The following MACROH2A1 variants were observed in gnomAD, a reference collection of about 807,000 sequenced individuals.
MACROH2A1 encodes core histone macro-H2A.1.
A neutral mutation model predicts 31.6 loss-of-function variants in MACROH2A1; 2 were observed. The ratio of observed to expected loss-of-function variants is 0.06; its 90% CI spans 0.03 to 0.20. MACROH2A1 has a LOEUF of 0.20. MACROH2A1 is among the 10% of genes least tolerant of loss of function. The pLI is 1.00. For synonymous variants in MACROH2A1, 169 were observed against 189.6 expected, an observed-to-expected ratio of 0.89 and a Z score of 0.89; for missense variants, 230 against 474.0, an observed-to-expected ratio of 0.49 and a Z score of 4.78.
intron 5 of MACROH2A1, chr5:135,354,955 G>C: frequency 2.5e-6 from 1 of 405,756 alleles, no homozygotes; most frequent in South Asian, 1.8e-5. Flanking sequence ...GTGTAATGTG[G>C]ATGTGTATGC....
At chr5:135,389,249 A>G (rs779565) in intron 1 of MACROH2A1, 123 bp from the exon 2 acceptor site, 59,255 of 579,658 alleles carry the variant, frequency 0.1, 8,978 homozygotes, top group African/African-American at 0.53. Context: ...CTGTAGCTGC[A>G]GGGCCCTCCG....
At chr5:135,347,521 A>C (rs1019070405) in intron 6 of MACROH2A1, 3 of 152,270 alleles carry the variant, frequency 2.0e-5, no homozygotes, top group South Asian at 4.1e-4. Flanking sequence ...CCTGGAAAGC[A>C]GCACAGGCTT....
chr5:135,359,412 T>A (rs1762562848), intron 5 of MACROH2A1: 1 of 984,928 alleles, frequency 1.0e-6, no homozygotes, highest in Non-Finnish European at 1.2e-6. Flanking sequence ...AACTTTCAAA[T>A]CCCCAGACCT....
chr5:135,395,860 C>G (rs1767899265), intron 1 of MACROH2A1, among the ~76,000 whole-genome samples: 1 of 152,146 alleles, frequency 6.6e-6, no homozygotes, highest in Non-Finnish European at 1.5e-5. Flanking sequence ...TCTCAGTGAA[C>G]TAGGGGACTG....
chr5:135,350,286 G>C lies in MACROH2A1; in HGVS notation c.688+2660C>G, dbSNP rs17168180. Among the ~76,000 whole-genome samples the C allele has an allele frequency of 2.7e-3, 412 of 152,286 alleles. 2 individuals are homozygous for C. Among genetic ancestry groups the C allele is most frequent in the African/African-American group, 9.1e-3 (376 of 41,538 alleles). On this transcript the variant is annotated intron_variant, in intron 6 of 8. Transcript: ENST00000511689. Reference sequence around the variant, plus strand: ...GGTGATTTTCATGTACCTGAAGTCTGAGAACCCTAAGTGTGGGCAAGCATT... The same window carrying C: ...GGTGATTTTCATGTACCTGAAGTCTCAGAACCCTAAGTGTGGGCAAGCATT...
chr5:135,346,307 G>A, intron 6 of MACROH2A1: 1 of 493,228 alleles, frequency 2.0e-6, no homozygotes, highest in South Asian at 2.4e-5. Context: ...GACTCAGGGT[G>A]ATCATGGATG....
intron 6 of MACROH2A1, among the ~76,000 whole-genome samples, chr5:135,349,560 A>C (rs1346754472): frequency 6.6e-6 from 1 of 152,128 alleles, no homozygotes; most frequent in Non-Finnish European, 1.5e-5. Context: ...ACTGAACAGC[A>C]GTCTTTGCTA....
chr5:135,350,838 T>C (rs747409805), intron 6 of MACROH2A1: 6 of 1,610,614 alleles, frequency 3.7e-6, no homozygotes, highest in Non-Finnish European at 4.2e-6. Flanking sequence ...TCACCACCGA[T>C]GTAGAAGTCA....
intron 2 of MACROH2A1, among the ~76,000 whole-genome samples, chr5:135,387,612 AAAG>A (rs1766593526): frequency 6.6e-6 from 1 of 152,192 alleles, no homozygotes; most frequent in Non-Finnish European, 1.5e-5. Flanking sequence ...ATACACAGTG[AAAG>A]CATTACGACA....
At chr5:135,384,254 GTGGCCCTA>G (rs1766088621) in intron 2 of MACROH2A1, among the ~76,000 whole-genome samples, 1 of 152,318 alleles carries the variant, frequency 6.6e-6, no homozygotes, top group African/African-American at 2.4e-5. Flanking sequence ...GGGATGGGTT[GTGGCCCTA>G]TGACTACCAC....
chr5:135,344,437 C>T (rs1408461099), intron 7 of MACROH2A1: 5 of 151,610 alleles, frequency 3.3e-5, no homozygotes, highest in African/African-American at 1.2e-4. Flanking sequence ...GTCATAGATA[C>T]TGGAGAAGGA....
chr5:135,338,062 C>A (rs1354664513), intron 8 of MACROH2A1: 11 of 1,061,604 alleles, frequency 1.0e-5, no homozygotes, highest in African/African-American at 1.7e-5. Flanking sequence ...TGTCTTGCTG[C>A]CAGTTAGAAT....
chr5:135,373,196 C>T (rs557159421), intron 2 of MACROH2A1, among the ~76,000 whole-genome samples: 1 of 152,244 alleles, frequency 6.6e-6, no homozygotes, highest in South Asian at 2.1e-4. Flanking sequence ...GGCTCAGTGG[C>T]CGTTGGTGGT....
At chr5:135,363,602 G>C (rs1763121759) in intron 4 of MACROH2A1, among the ~76,000 whole-genome samples, 1 of 152,140 alleles carries the variant, frequency 6.6e-6, no homozygotes, top group South Asian at 2.1e-4. Flanking sequence ...GGTTGGTTCC[G>C]AGTCTGCTAT....
chr5:135,346,078 G>C, intron 6 of MACROH2A1, 21 bp from the exon 7 acceptor site: 1 of 1,529,152 alleles, frequency 6.5e-7, no homozygotes, highest in Non-Finnish European at 9.1e-7. Context: ...ACAGGGTGGG[G>C]TCAGGTTGCC....
rs140038021 is a variant in MACROH2A1, at chr5:135,334,746, C to T, written c.*230G>A. ...CTCCTAGGTTACACTAAGTCAGACACGGTCTGGAACACAGTGCTTAACAAC... is the reference window on the plus strand; with the variant it reads ...CTCCTAGGTTACACTAAGTCAGACATGGTCTGGAACACAGTGCTTAACAAC... On this transcript the variant is annotated 3_prime_UTR_variant, in exon 9 of 9. Transcript: ENST00000511689. 413 of 454,390 alleles carry T rather than the reference C, an allele frequency of 9.1e-4. 2 individuals are homozygous for T. The highest frequency in any genetic ancestry group is 7.7e-3 in the African/African-American group (391 of 50,482). 28.1% of individuals were successfully genotyped at this position (454,390 alleles called of 1,614,324 possible).
At chr5:135,342,111 C>G (rs569427506) in intron 8 of MACROH2A1, among the ~76,000 whole-genome samples, 23 of 152,328 alleles carry the variant, frequency 1.5e-4, no homozygotes, top group African/African-American at 5.5e-4. Flanking sequence ...ATGCAGACCT[C>G]GAGCCTTCCA....
At chr5:135,382,166 A>C (rs1231467367) in intron 2 of MACROH2A1, among the ~76,000 whole-genome samples, 1 of 152,196 alleles carries the variant, frequency 6.6e-6, no homozygotes, top group African/African-American at 2.4e-5. Context: ...AAGCAAAAGA[A>C]GAACCCTTCA....
At chr5:135,372,800 C>T (rs561907988) in intron 2 of MACROH2A1, among the ~76,000 whole-genome samples, 12 of 152,298 alleles carry the variant, frequency 7.9e-5, no homozygotes, top group South Asian at 2.1e-4. Context: ...AGAATCCTCA[C>T]GGCAGGAAGG....
Sources: allele counts gnomAD v4.1 joint callset (sites outside exome capture counted in the v4.1 genomes callset), GRCh38; gene constraint gnomAD v4.1.1; transcripts MANE v1.5; gene names NCBI Gene and HGNC (gene_info 2026-07-23, HGNC 2026-07-21).